Variants in RYR3 observed in about 807,000 individuals in gnomAD.
RYR3 encodes brain ryanodine receptor-calcium release channel.
RYR3 carries 207 observed loss-of-function variants against 584.3 expected under a neutral mutation model. The observed-to-expected ratio is 0.35, with a 90% confidence interval of 0.32 to 0.40. RYR3 has a LOEUF of 0.40. RYR3 is among the 10% of genes least tolerant of loss of function. The probability of loss-of-function intolerance (pLI) is 1.00; values close to 1 mark genes in which losing one functional copy is unlikely to be tolerated. For missense variants in RYR3, 5,616 were observed against 6,089.2 expected (o/e 0.92, Z 2.59); for synonymous variants, 2,416 against 2,248.5 (o/e 1.07, Z -2.11).
intron 1 of RYR3, among the ~76,000 whole-genome samples, chr15:33,435,069 C>T (rs1049577835): frequency 6.6e-6 from 1 of 152,120 alleles, no homozygotes; most frequent in Admixed American, 6.5e-5. Context: ...ATCCGCCCGC[C>T]TCGACCTCCC....
At chr15:33,854,719 C>A in intron 97 of RYR3, 47 bp from the exon 98 acceptor site, 1 of 1,567,776 alleles carries the variant, frequency 6.4e-7, no homozygotes, top group Non-Finnish European at 8.6e-7. Flanking sequence ...ATAATGAGCA[C>A]ACTATGAGGC....
chr15:33,632,097 A>G (rs994161234), intron 23 of RYR3, among the ~76,000 whole-genome samples: 7 of 152,248 alleles, frequency 4.6e-5, no homozygotes, highest in Admixed American at 2.0e-4. Flanking sequence ...CATCCTGAAA[A>G]GGTGGATGCA....
chr15:33,596,103 A>G (rs1047427917), intron 16 of RYR3, among the ~76,000 whole-genome samples: 1 of 151,258 alleles, frequency 6.6e-6, no homozygotes, highest in Admixed American at 6.6e-5. Flanking sequence ...TATTTTTATA[A>G]CTTTCTTTAC....
chr15:33,818,710 C>G, intron 76 of RYR3, 26 bp downstream of exon 76: 1 of 1,538,540 alleles, frequency 6.5e-7, no homozygotes, highest in Non-Finnish European at 9.0e-7. Context: ...TCACCTGCTT[C>G]TCCCAGGCAC....
At chr15:33,763,654 G>A (rs1381539280) in intron 60 of RYR3, among the ~76,000 whole-genome samples, 1 of 152,036 alleles carries the variant, frequency 6.6e-6, no homozygotes, top group Non-Finnish European at 1.5e-5. Flanking sequence ...GCACTTTGGG[G>A]AGCCCAAGGC....
chr15:33,705,938 C>T (rs1165287278), intron 42 of RYR3, among the ~76,000 whole-genome samples: 2 of 152,216 alleles, frequency 1.3e-5, no homozygotes, highest in Admixed American at 1.3e-4. Context: ...GCTAGCTAGG[C>T]TTATTTTTAA....
At chr15:33,462,761 C>T (rs148394520) in intron 1 of RYR3, among the ~76,000 whole-genome samples, 6 of 152,254 alleles carry the variant, frequency 3.9e-5, no homozygotes, top group Admixed American at 1.3e-4. Flanking sequence ...CTTAGATGCT[C>T]TTCTGTCTCG....
At chr15:33,450,496 G>T (rs2047031016) in intron 1 of RYR3, among the ~76,000 whole-genome samples, 1 of 152,080 alleles carries the variant, frequency 6.6e-6, no homozygotes, top group Non-Finnish European at 1.5e-5. Flanking sequence ...AGTTTACAGA[G>T]CCCGAGGTGC....
intron 1 of RYR3, among the ~76,000 whole-genome samples, chr15:33,453,150 C>G (rs1262051018): frequency 3.3e-5 from 5 of 152,078 alleles, no homozygotes; most frequent in Non-Finnish European, 7.4e-5. Context: ...TCTCAAAGCT[C>G]AAAATAAACT....
intron 81 of RYR3, among the ~76,000 whole-genome samples, chr15:33,824,608 T>G (rs1208628503): frequency 5.9e-5 from 9 of 152,212 alleles, no homozygotes; most frequent in Admixed American, 5.9e-4. Flanking sequence ...GAGATTTCAC[T>G]GTCTACCTAA....
intron 18 of RYR3, 104 bp downstream of exon 18, chr15:33,603,468 C>A: frequency 8.2e-7 from 1 of 1,219,090 alleles, no homozygotes; most frequent in Non-Finnish European, 1.1e-6. Context: ...GATACAGACT[C>A]AAGAGTCTCA....
intron 1 of RYR3, among the ~76,000 whole-genome samples, chr15:33,357,477 G>A (rs1201069649): frequency 2.0e-5 from 3 of 151,962 alleles, no homozygotes; most frequent in Non-Finnish European, 2.9e-5. Flanking sequence ...AATTTTTCTG[G>A]CATTCAAAAC....
chr15:33,701,386 C>T (rs1057213619), intron 42 of RYR3, among the ~76,000 whole-genome samples: 4 of 152,006 alleles, frequency 2.6e-5, no homozygotes, highest in Non-Finnish European at 5.9e-5. Context: ...TAAAGTTCTG[C>T]GTAATTTACA....
chr15:33,748,426 GA>G, intron 54 of RYR3, 41 bp from the exon 55 acceptor site: 1 of 1,598,978 alleles, frequency 6.3e-7, no homozygotes, highest in Non-Finnish European at 8.6e-7. Flanking sequence ...TAAGAACAAG[GA>G]AAATAATGGC....
intron 3 of RYR3, among the ~76,000 whole-genome samples, chr15:33,517,957 T>G (rs1194724613): frequency 1.3e-5 from 2 of 152,308 alleles, no homozygotes; most frequent in Middle Eastern, 3.4e-3. Context: ...ACCTACTGTA[T>G]GTTCTTTCCG....
intron 10 of RYR3, among the ~76,000 whole-genome samples, chr15:33,554,105 T>A (rs1391288354): frequency 6.6e-6 from 1 of 152,140 alleles, no homozygotes; most frequent in Non-Finnish European, 1.5e-5. Context: ...GCTCATGCAT[T>A]ATTAAGGCCA....
chr15:33,801,551 GCTGT>G (rs1417462367), intron 68 of RYR3, among the ~76,000 whole-genome samples: 1 of 152,158 alleles, frequency 6.6e-6, no homozygotes, highest in Non-Finnish European at 1.5e-5. Context: ...TTCCAGGCCT[GCTGT>G]CTGTCATGTG....
chr15:33,468,590 A>G (rs892781), intron 1 of RYR3, among the ~76,000 whole-genome samples: 90,322 of 152,056 alleles, frequency 0.59, 27,438 homozygotes, highest in African/African-American at 0.73. Flanking sequence ...ATCCAAGTCC[A>G]TATCCCAGTT....
chr15:33,600,334 G>C (rs1022026156), intron 16 of RYR3, among the ~76,000 whole-genome samples: 2 of 152,078 alleles, frequency 1.3e-5, no homozygotes, highest in Non-Finnish European at 2.9e-5. Flanking sequence ...CTGAAATGAG[G>C]CTGCCTGCCT....
Sources: gnomAD v4.1 joint callset for allele counts (sites outside exome capture counted in the v4.1 genomes callset) on GRCh38, gnomAD v4.1.1 for gene constraint, MANE v1.5 for transcripts, NCBI Gene and HGNC (gene_info 2026-07-23, HGNC 2026-07-21) for gene names.